IL6R: variants seen among roughly 807,000 people sequenced by gnomAD.
IL6R encodes interleukin 6 receptor, also known as interleukin-6 receptor subunit alpha.
Under a neutral mutation model 48.3 loss-of-function variants are expected in IL6R, and 38 were observed. The observed-to-expected ratio is 0.79, with a 90% confidence interval of 0.61 to 1.03. IL6R has a LOEUF of 1.03. IL6R is among the 50% of genes least tolerant of loss of function. The pLI, the probability that IL6R is intolerant of heterozygous loss-of-function variation, is 0.00. For missense variants in IL6R, 534 were observed against 618.3 expected, an observed-to-expected ratio of 0.86 and a Z score of 1.45; for synonymous variants, 264 against 256.2, an observed-to-expected ratio of 1.03 and a Z score of -0.29.
chr1:154,420,718 T>C (rs1688612841), intron 1 of IL6R, among the ~76,000 whole-genome samples: 1 of 151,694 alleles, frequency 6.6e-6, no homozygotes, highest in African/African-American at 2.4e-5. Flanking sequence ...GTATTTTTAA[T>C]AGAGACAGGG....
At chr1:154,448,963 G>A (rs1409117746) in intron 7 of IL6R, among the ~76,000 whole-genome samples, 4 of 129,598 alleles carry the variant, frequency 3.1e-5, no homozygotes, top group Non-Finnish European at 4.7e-5. Context: ...GCGCAATCTT[G>A]GCTCACTGCA....
chr1:154,453,359 G>A (rs1179626102), intron 8 of IL6R, among the ~76,000 whole-genome samples: 1 of 152,244 alleles, frequency 6.6e-6, no homozygotes, highest in African/African-American at 2.4e-5. Flanking sequence ...TCACCAGTCT[G>A]GGCTCTCTGC....
intron 9 of IL6R, among the ~76,000 whole-genome samples, chr1:154,455,455 C>CTTTTTTT (rs201098458): frequency 1.6e-5 from 2 of 128,430 alleles, no homozygotes; most frequent in Non-Finnish European, 3.3e-5. Flanking sequence ...CTTTTCTTTT[C>CTTTTTTT]TTTTTTTTTT....
chr1:154,439,414 A>C (rs1256153200), intron 6 of IL6R, among the ~76,000 whole-genome samples: 3 of 152,126 alleles, frequency 2.0e-5, no homozygotes, highest in Admixed American at 6.5e-5. Context: ...TCCCGGGTTC[A>C]AGCAATTCTC....
intron 6 of IL6R, among the ~76,000 whole-genome samples, chr1:154,438,149 C>T (rs931853419): frequency 6.6e-6 from 1 of 152,082 alleles, no homozygotes; most frequent in East Asian, 1.9e-4. Context: ...CTGCTTGACT[C>T]TTTCTGTTTC....
chr1:154,423,909 T>C (rs1007455871), intron 1 of IL6R, among the ~76,000 whole-genome samples: 1 of 152,198 alleles, frequency 6.6e-6, no homozygotes, highest in African/African-American at 2.4e-5. Context: ...TGGCCATTGT[T>C]AGTGAGTGCA....
At chr1:154,425,015 G>A (rs1049028386) in intron 1 of IL6R, among the ~76,000 whole-genome samples, 2 of 152,074 alleles carry the variant, frequency 1.3e-5, no homozygotes, top group Admixed American at 1.3e-4. Context: ...TGCATGCACC[G>A]GTAATTAGAA....
intron 1 of IL6R, among the ~76,000 whole-genome samples, chr1:154,413,847 C>CT (rs1257164967): frequency 1.4e-5 from 2 of 144,564 alleles, no homozygotes; most frequent in East Asian, 2.0e-4. Flanking sequence ...CTCTCTCTCT[C>CT]TTTCTTTCTC....
intron 1 of IL6R, among the ~76,000 whole-genome samples, chr1:154,411,199 C>G (rs374142283): frequency 6.6e-6 from 1 of 152,092 alleles, no homozygotes; most frequent in Non-Finnish European, 1.5e-5. Flanking sequence ...GCTGGCATTA[C>G]GGGTGCACAC....
intron 6 of IL6R, among the ~76,000 whole-genome samples, chr1:154,438,602 G>T (rs1300918409): frequency 6.6e-6 from 1 of 152,116 alleles, no homozygotes; most frequent in African/African-American, 2.4e-5. Context: ...CCCGACCCCT[G>T]CCACTTTCTC....
At chr1:154,463,710 G>T (rs544530538) in intron 9 of IL6R, among the ~76,000 whole-genome samples, 1 of 152,208 alleles carries the variant, frequency 6.6e-6, no homozygotes, top group Non-Finnish European at 1.5e-5. Context: ...GGAAGGGGAC[G>T]TGACTGTGCT....
At chr1:154,414,711 G>C (rs1020088394) in intron 1 of IL6R, 1 of 837,408 alleles carries the variant, frequency 1.2e-6, no homozygotes, top group African/African-American at 1.7e-5. Context: ...CCTCCATTAG[G>C]TATTGCTCCA....
chr1:154,407,446 T>C (rs1326539403), intron 1 of IL6R, among the ~76,000 whole-genome samples: 1 of 152,092 alleles, frequency 6.6e-6, no homozygotes, highest in East Asian at 1.9e-4. Flanking sequence ...GAACAGCCCA[T>C]GAAAGGCAGA....
chr1:154,413,692 A>T (rs1032876200), intron 1 of IL6R, among the ~76,000 whole-genome samples: 10 of 151,402 alleles, frequency 6.6e-5, no homozygotes, highest in Admixed American at 4.6e-4. Flanking sequence ...TTCATATTCA[A>T]TGCTAATTTT....
chr1:154,463,682 A>C (rs1691384956), intron 9 of IL6R, among the ~76,000 whole-genome samples: 1 of 152,222 alleles, frequency 6.6e-6, no homozygotes, highest in Non-Finnish European at 1.5e-5. Context: ...ACCCTGGCAC[A>C]GTTGAAGGGC....
chr1:154,412,670 A>AT (rs1688094858), intron 1 of IL6R, among the ~76,000 whole-genome samples: 1 of 152,014 alleles, frequency 6.6e-6, no homozygotes, highest in African/African-American at 2.4e-5. Context: ...ATCGCTTAAC[A>AT]TTTTTTTTGA....
At chr1:154,412,418 G>T (rs963132165) in intron 1 of IL6R, among the ~76,000 whole-genome samples, 5 of 151,930 alleles carry the variant, frequency 3.3e-5, no homozygotes, top group Non-Finnish European at 4.4e-5. Context: ...ACCACACCCG[G>T]CTAATTTTTT....
intron 1 of IL6R, among the ~76,000 whole-genome samples, chr1:154,423,260 A>AAT (rs35079361): frequency 0.052 from 4,427 of 85,352 alleles, 362 homozygotes; most frequent in African/African-American, 0.084. Flanking sequence ...TGTTTAATTA[A>AAT]ATATATATAT....
chr1:154,431,566 T>G (rs1689298239), intron 3 of IL6R, among the ~76,000 whole-genome samples: 1 of 152,222 alleles, frequency 6.6e-6, no homozygotes, highest in Non-Finnish European at 1.5e-5. Flanking sequence ...ATAACAGTTA[T>G]GTGAATGTGG....
Sources: allele counts gnomAD v4.1 joint callset (sites outside exome capture counted in the v4.1 genomes callset), GRCh38; gene constraint gnomAD v4.1.1; transcripts MANE v1.5; gene names NCBI Gene and HGNC (gene_info 2026-07-23, HGNC 2026-07-21).